LDLRAD4: variants seen among roughly 807,000 people sequenced by gnomAD.
LDLRAD4 encodes the protein low-density lipoprotein receptor class A domain-containing protein 4.
Under a neutral mutation model 17.0 loss-of-function variants are expected in LDLRAD4, and 5 were observed. The observed-to-expected ratio is 0.29, with a 90% CI of 0.15 to 0.62. The LOEUF (loss-of-function observed/expected upper bound fraction) is 0.62. Ranked by LOEUF, LDLRAD4 falls within the 20% of genes least tolerant of loss-of-function variation. The pLI is 0.84. For synonymous variants in LDLRAD4, 168 were observed against 171.8 expected (o/e 0.98, Z 0.17); for missense variants, 340 against 424.7 (o/e 0.80, Z 1.75).
chr18:13,291,513 CG>C (rs2045960994), intron 1 of LDLRAD4, among the ~76,000 whole-genome samples: 1 of 152,096 alleles, frequency 6.6e-6, no homozygotes, highest in Non-Finnish European at 1.5e-5. Context: ...GCTTGAGCTG[CG>C]GGGACCTGGC....
At chr18:13,332,888 T>G (rs1187343846) in intron 1 of LDLRAD4, among the ~76,000 whole-genome samples, 2 of 152,190 alleles carry the variant, frequency 1.3e-5, no homozygotes, top group Non-Finnish European at 2.9e-5. Context: ...GTAAGTAGGT[T>G]TTTGCATGGT....
chr18:13,315,582 C>G (rs1229568746), intron 1 of LDLRAD4, among the ~76,000 whole-genome samples: 1 of 151,974 alleles, frequency 6.6e-6, no homozygotes, highest in African/African-American at 2.4e-5. Context: ...GTCGGGAGTT[C>G]AAGACCAGCC....
At chr18:13,479,785 C>T (rs2093038211) in intron 3 of LDLRAD4, among the ~76,000 whole-genome samples, 1 of 152,060 alleles carries the variant, frequency 6.6e-6, no homozygotes, top group Non-Finnish European at 1.5e-5. Flanking sequence ...TTAATAGACA[C>T]CTCACCAAAG....
intron 3 of LDLRAD4, among the ~76,000 whole-genome samples, chr18:13,485,355 C>T (rs2093196460): frequency 6.6e-6 from 1 of 152,222 alleles, no homozygotes; most frequent in Non-Finnish European, 1.5e-5. Context: ...GAGTGAGGGG[C>T]TCGGCCTCAG....
upstream of LDLRAD4, among the ~76,000 whole-genome samples, chr18:13,277,204 G>C (rs961436847): frequency 6.6e-6 from 1 of 152,162 alleles, no homozygotes; most frequent in Admixed American, 6.5e-5. Flanking sequence ...GCAGGAGCAC[G>C]CTTTGGGGTA....
At chr18:13,638,703 A>C (rs1244895217) in intron 4 of LDLRAD4, among the ~76,000 whole-genome samples, 1 of 152,190 alleles carries the variant, frequency 6.6e-6, no homozygotes, top group Admixed American at 6.5e-5. Context: ...TTAAAAAGTA[A>C]ACTAGAATTC....
At chr18:13,292,808 A>C (rs899527316) in intron 1 of LDLRAD4, among the ~76,000 whole-genome samples, 1 of 152,240 alleles carries the variant, frequency 6.6e-6, no homozygotes, top group Non-Finnish European at 1.5e-5. Context: ...CACTCCTGAT[A>C]CAAGTTTTTC....
chr18:13,381,307 A>G (rs2085344574), intron 1 of LDLRAD4, among the ~76,000 whole-genome samples: 1 of 151,814 alleles, frequency 6.6e-6, no homozygotes, highest in African/African-American at 2.4e-5. Flanking sequence ...GGCTCAAGCA[A>G]TCCTCCTGCC....
chr18:13,224,173 G>A (rs542026193), intron 1 of LDLRAD4, among the ~76,000 whole-genome samples: 33 of 152,320 alleles, frequency 2.2e-4, no homozygotes, highest in African/African-American at 5.8e-4. Context: ...CTGGACCATG[G>A]CAGCTTTGTC....
chr18:13,337,411 A>C (rs926822719), intron 1 of LDLRAD4, among the ~76,000 whole-genome samples: 1 of 152,178 alleles, frequency 6.6e-6, no homozygotes. Context: ...CCTGTCTCCT[A>C]GTTCCATGGA....
chr18:13,390,656 CA>C (rs57932704), intron 2 of LDLRAD4, among the ~76,000 whole-genome samples: 147 of 144,638 alleles, frequency 1.0e-3, no homozygotes, highest in East Asian at 7.6e-3. Context: ...GGTCATGTCT[CA>C]AAAAAAAAAA....
intron 1 of LDLRAD4, among the ~76,000 whole-genome samples, chr18:13,339,455 C>A (rs1001057334): frequency 6.6e-6 from 1 of 152,082 alleles, no homozygotes; most frequent in African/African-American, 2.4e-5. Flanking sequence ...CCCGCCTTGG[C>A]CTCCCAAAGT....
At chr18:13,230,412 C>T (rs1169025637) in intron 1 of LDLRAD4, among the ~76,000 whole-genome samples, 3 of 151,870 alleles carry the variant, frequency 2.0e-5, no homozygotes, top group Admixed American at 6.6e-5. Context: ...TGGGTTGCAG[C>T]GAGAAAATAT....
rs568716722 is a variant in LDLRAD4, at chr18:13,390,098, TC to T, written c.40+2337del. On this transcript the variant is annotated intron_variant, in intron 2 of 5. Transcript: ENST00000359446. ...AACAGGTCAGGCTAATGGGCTCTGCTCATCACTGCACATTTTATCATTTCTT... is the reference window on the plus strand; with the variant it reads ...AACAGGTCAGGCTAATGGGCTCTGCTATCACTGCACATTTTATCATTTCTT... Among the ~76,000 whole-genome samples, 998 of 152,354 alleles carry T rather than the reference TC, an allele frequency of 6.6e-3. 13 individuals carry two copies. The highest frequency in any genetic ancestry group is 0.023 in the African/African-American group (936 of 41,576).
At chr18:13,392,530 C>T (rs555553987) in intron 2 of LDLRAD4, among the ~76,000 whole-genome samples, 2 of 152,276 alleles carry the variant, frequency 1.3e-5, no homozygotes, top group East Asian at 1.9e-4. Context: ...GGGCTGGGTC[C>T]GCCGGCCTCT....
At chr18:13,336,251 A>G (rs2082099863) in intron 1 of LDLRAD4, among the ~76,000 whole-genome samples, 1 of 152,210 alleles carries the variant, frequency 6.6e-6, no homozygotes, top group Non-Finnish European at 1.5e-5. Flanking sequence ...TCCAAACCAT[A>G]AACATAGCCC....
At chr18:13,472,506 C>T (rs992960430) in intron 3 of LDLRAD4, 1 of 152,316 alleles carries the variant, frequency 6.6e-6, no homozygotes, top group African/African-American at 2.4e-5. Context: ...AGGATCCCGA[C>T]CCTGTCCAGG....
intron 1 of LDLRAD4, among the ~76,000 whole-genome samples, chr18:13,223,268 A>G (rs1451271273): frequency 1.3e-5 from 2 of 152,156 alleles, no homozygotes; most frequent in African/African-American, 2.4e-5. Flanking sequence ...CTCTGTTCCT[A>G]AAAGGACCTA....
intron 1 of LDLRAD4, among the ~76,000 whole-genome samples, chr18:13,337,821 A>G (rs2143943369): frequency 6.6e-6 from 1 of 151,808 alleles, no homozygotes; most frequent in Admixed American, 6.6e-5. Flanking sequence ...CGATTGTGCC[A>G]CTGCTCTCCA....
Sources: allele counts gnomAD v4.1 joint callset (sites outside exome capture counted in the v4.1 genomes callset), GRCh38; gene constraint gnomAD v4.1.1; transcripts MANE v1.5; gene names NCBI Gene and HGNC (gene_info 2026-07-23, HGNC 2026-07-21).